Variants in TRPM1 observed in about 807,000 individuals in gnomAD.
TRPM1 encodes TRPM1-203 APA Isoform, Intron 10.
Under a neutral mutation model 149.4 loss-of-function variants are expected in TRPM1, and 113 were observed. The ratio of observed to expected loss-of-function variants is 0.76; its 90% CI spans 0.65 to 0.88. TRPM1 has a LOEUF of 0.88. TRPM1 is among the 40% of genes least tolerant of loss of function. The probability of loss-of-function intolerance (pLI) is 0.00; values close to 1 mark genes in which losing one functional copy is unlikely to be tolerated. For missense variants in TRPM1, 1,976 were observed against 2,038.7 expected, an observed-to-expected ratio of 0.97 and a Z score of 0.59; for synonymous variants, 741 against 759.5, an observed-to-expected ratio of 0.98 and a Z score of 0.40.
intron 27 of TRPM1, among the ~76,000 whole-genome samples, chr15:31,018,312 A>G (rs2032442075): frequency 6.6e-6 from 1 of 151,872 alleles, no homozygotes; most frequent in African/African-American, 2.4e-5. Flanking sequence ...CGGCCTCCCA[A>G]AGTGCTGGGA....
chr15:31,067,245 C>T (rs1188636992), intron 5 of TRPM1, 58 bp from the exon 6 acceptor site: 2 of 1,613,818 alleles, frequency 1.2e-6, no homozygotes, highest in African/African-American at 1.3e-5. Flanking sequence ...CACCATCATT[C>T]ATGAAATTTA....
intron 1 of TRPM1, among the ~76,000 whole-genome samples, chr15:31,099,259 C>T (rs937718420): frequency 6.6e-5 from 10 of 152,148 alleles, no homozygotes; most frequent in African/African-American, 2.4e-4. Context: ...ATGTCTCTTG[C>T]TACTGTCTAC....
At chr15:31,154,280 G>A (rs1362599445) in intron 1 of TRPM1, among the ~76,000 whole-genome samples, 2 of 152,164 alleles carry the variant, frequency 1.3e-5, no homozygotes, top group African/African-American at 4.8e-5. Context: ...GACAGATTTT[G>A]GGTTTTATTC....
intron 18 of TRPM1, among the ~76,000 whole-genome samples, chr15:31,039,415 G>T (rs941959548): frequency 6.6e-6 from 1 of 152,128 alleles, no homozygotes; most frequent in Non-Finnish European, 1.5e-5. Flanking sequence ...GAAACAAAGT[G>T]CCCTCTATTT....
intron 3 of TRPM1, among the ~76,000 whole-genome samples, chr15:31,072,018 T>TATATATATATAGAGAGAG (rs1400392427): frequency 2.7e-5 from 1 of 36,898 alleles, no homozygotes; most frequent in African/African-American, 1.1e-4. Flanking sequence ...TATATATATA[T>TATATATATATAGAGAGAG]AGAGAGAGAG....
At chr15:31,141,100 G>A (rs1338604764) in intron 1 of TRPM1, among the ~76,000 whole-genome samples, 1 of 151,734 alleles carries the variant, frequency 6.6e-6, no homozygotes, top group Non-Finnish European at 1.5e-5. Flanking sequence ...CCAAAGTGCT[G>A]GGATTACAGG....
At chr15:31,038,194 C>G (rs2033488597) in intron 18 of TRPM1, 28 bp from the exon 19 acceptor site, 1 of 1,612,574 alleles carries the variant, frequency 6.2e-7, no homozygotes, top group Admixed American at 1.7e-5. Context: ...ATTTTTTAAG[C>G]TGTGGCAATT....
intron 1 of TRPM1, among the ~76,000 whole-genome samples, chr15:31,087,260 T>TTTC (rs2035029023): frequency 7.1e-6 from 1 of 140,606 alleles, no homozygotes; most frequent in East Asian, 2.0e-4. Flanking sequence ...TTTTTTTTTT[T>TTTC]TTGAGACGGA....
intron 9 of TRPM1, 134 bp from the exon 10 acceptor site, chr15:31,061,648 C>A (rs983926513): frequency 1.6e-5 from 12 of 732,646 alleles, no homozygotes; most frequent in Non-Finnish European, 2.8e-5. Context: ...AAAGCAAGTG[C>A]TGTTGATTTC....
chr15:31,152,340 G>A (rs1041256426), intron 1 of TRPM1, among the ~76,000 whole-genome samples: 1 of 152,222 alleles, frequency 6.6e-6, no homozygotes. Context: ...AGTTCTCCCA[G>A]GACTGGGTTC....
chr15:31,011,918 C>T (rs1328005463), intron 27 of TRPM1, among the ~76,000 whole-genome samples: 2 of 152,140 alleles, frequency 1.3e-5, no homozygotes, highest in Middle Eastern at 3.2e-3. Context: ...CCTGCCTTCG[C>T]CTCCCAAAGT....
rs547574447 is a variant in TRPM1 at position 31,137,847 on chromosome 15, C to T, written c.54+23059G>A. Among the ~76,000 whole-genome samples, 11 of 152,206 alleles carry T rather than the reference C, an allele frequency of 7.2e-5. 1 individual carries two copies. The South Asian group carries it at 2.3e-3, about 32-fold the overall frequency. On this transcript the variant is annotated intron_variant, in intron 1 of 26. Transcript: ENST00000542188. ...AAATAATACTCAAGTGACTTATATTCCCTGGATAAAAATAGAGCTCAGAGC... is the reference window on the plus strand; with the variant it reads ...AAATAATACTCAAGTGACTTATATTTCCTGGATAAAAATAGAGCTCAGAGC...
At chr15:31,032,121 C>T (rs2033111466) in intron 22 of TRPM1, among the ~76,000 whole-genome samples, 1 of 151,268 alleles carries the variant, frequency 6.6e-6, no homozygotes, top group Admixed American at 6.6e-5. Context: ...TGTTTCCAGC[C>T]ATCAAGAAGT....
rs1034328206 is a variant in TRPM1, at chr15:31,100,740, C to T, written c.-84+917G>A. Among the ~76,000 whole-genome samples, 35 of 152,170 alleles carry T rather than the reference C, an allele frequency of 2.3e-4. 1 individual carries two copies. In the South Asian group the frequency reaches 2.5e-3, roughly 11 times the overall value. ...TAATGAAAAACACAATAATTCTGTA[C>T]GGTTATTATGCCTTTTTCTCTGTCA... On this transcript the variant is annotated intron_variant, in intron 1 of 27. Transcript: ENST00000256552.
chr15:31,010,212 A>G (rs748387210), intron 27 of TRPM1, among the ~76,000 whole-genome samples: 46 of 152,208 alleles, frequency 3.0e-4, no homozygotes, highest in Non-Finnish European at 5.7e-4. Flanking sequence ...GGTTAGTTTC[A>G]GGCTGCAAGT....
chr15:31,143,418 T>G (rs1209465651), intron 1 of TRPM1, among the ~76,000 whole-genome samples: 1 of 152,230 alleles, frequency 6.6e-6, no homozygotes, highest in East Asian at 1.9e-4. Context: ...TTTGTTTTGT[T>G]TTTTTGAGAC....
At chr15:31,150,338 G>GGTGTTA (rs1015251905) in intron 1 of TRPM1, among the ~76,000 whole-genome samples, 2 of 151,974 alleles carry the variant, frequency 1.3e-5, no homozygotes, top group African/African-American at 4.8e-5. Flanking sequence ...AGGTGCATTT[G>GGTGTTA]GTGTTAGGCT....
intron 27 of TRPM1, among the ~76,000 whole-genome samples, chr15:31,023,916 T>C (rs1003484083): frequency 2.6e-5 from 4 of 152,202 alleles, no homozygotes; most frequent in Admixed American, 6.5e-5. Context: ...ATTGTTAGCA[T>C]TTTATAGGTA....
chr15:31,086,610 C>T (rs2035007142), intron 1 of TRPM1, among the ~76,000 whole-genome samples: 2 of 152,260 alleles, frequency 1.3e-5, no homozygotes, highest in East Asian at 3.9e-4. Context: ...AGCAGGGGCT[C>T]CAGGGTCTGA....
Sources: allele counts gnomAD v4.1 joint callset (sites outside exome capture counted in the v4.1 genomes callset), GRCh38; gene constraint gnomAD v4.1.1; transcripts MANE v1.5; gene names NCBI Gene and HGNC (gene_info 2026-07-23, HGNC 2026-07-21).